The following AUTS2 variants were observed in gnomAD, a reference collection of about 807,000 sequenced individuals.
The protein encoded by AUTS2 is activator of transcription and developmental regulator AUTS2.
In AUTS2, 17 loss-of-function variants were observed where a neutral mutation model predicts 112.4. The observed-to-expected ratio is 0.15, with a 90% CI of 0.10 to 0.23. The LOEUF is 0.23. Ranked by LOEUF, AUTS2 falls within the 10% of genes least tolerant of loss-of-function variation. AUTS2 has a pLI of 1.00. For synonymous variants in AUTS2, 751 were observed against 702.7 expected (o/e 1.07, Z -1.09); for missense variants, 1,510 against 1,701.6 (o/e 0.89, Z 1.98).
intron 5 of AUTS2, among the ~76,000 whole-genome samples, chr7:70,498,378 G>A (rs1798642305): frequency 6.6e-6 from 1 of 152,220 alleles, no homozygotes; most frequent in African/African-American, 2.4e-5. Flanking sequence ...GTAATCATCA[G>A]TCCTGGGCTG....
intron 5 of AUTS2, among the ~76,000 whole-genome samples, chr7:70,676,890 T>G (rs1423858792): frequency 6.6e-6 from 1 of 152,078 alleles, no homozygotes; most frequent in African/African-American, 2.4e-5. Context: ...AAAAAAAAGT[T>G]CACCTTTCTG....
At chr7:70,410,245 A>G (rs1264633958) in intron 4 of AUTS2, among the ~76,000 whole-genome samples, 3 of 152,180 alleles carry the variant, frequency 2.0e-5, no homozygotes, top group Admixed American at 6.5e-5. Flanking sequence ...CAGTGATGCT[A>G]CTAGGAACTG....
rs1456354352 is a variant in AUTS2, at chr7:70,791,056, TGA to T, written c.*65_*66del. 2.8e-6 allele frequency: 4 copies of T among 1,420,418 alleles called. No individual in the cohort carries two copies. In the African/African-American group the frequency reaches 4.3e-5, roughly 15 times the overall value. 88.0% of individuals were successfully genotyped at this position (1,420,418 alleles called of 1,614,324 possible). A position where few individuals can be genotyped will look rare whatever the true frequency, so the allele number is the denominator to read the frequency against. ...CCCTAGGCAGACACCAGGCCAGGCT[TGA>T]GAGACAGAACTCCTGCATGGCTCAC... is the stretch of plus-strand genomic sequence containing the variant. On this transcript the variant is annotated 3_prime_UTR_variant, in exon 19 of 19. Transcript: ENST00000342771.
chr7:70,552,116 G>A (rs1801039608), intron 5 of AUTS2, among the ~76,000 whole-genome samples: 2 of 152,170 alleles, frequency 1.3e-5, no homozygotes, highest in African/African-American at 4.8e-5. Context: ...ATGTGCGTGT[G>A]CATGTGCGTG....
At chr7:69,891,375 C>T (rs1295792210) in intron 1 of AUTS2, among the ~76,000 whole-genome samples, 1 of 152,160 alleles carries the variant, frequency 6.6e-6, no homozygotes, top group Non-Finnish European at 1.5e-5. Flanking sequence ...TTTATCCATT[C>T]ATCTATTGAT....
intron 5 of AUTS2, among the ~76,000 whole-genome samples, chr7:70,604,660 A>G (rs1803639574): frequency 6.6e-6 from 1 of 152,180 alleles, no homozygotes; most frequent in African/African-American, 2.4e-5. Flanking sequence ...CCACTCCACT[A>G]TCCCTGCTCA....
At chr7:69,820,821 A>AAC (rs1049271308) in intron 1 of AUTS2, among the ~76,000 whole-genome samples, 4 of 152,160 alleles carry the variant, frequency 2.6e-5, no homozygotes, top group African/African-American at 4.8e-5. Flanking sequence ...GTGTAGTGAA[A>AAC]ACACACACAC....
chr7:70,327,270 A>T (rs1346567977), intron 4 of AUTS2, among the ~76,000 whole-genome samples: 1 of 152,096 alleles, frequency 6.6e-6, no homozygotes, highest in Non-Finnish European at 1.5e-5. Context: ...GGAGGTCTTT[A>T]TGTTTCCAGT....
rs116533299 is a variant in AUTS2 at position 70,345,498 on chromosome 7, A to G, written c.661-90254A>G. ...AAACTTCCTGCCTAGCTCCTGATTT[A>G]TGTAGCTTCTCACCACCATGCCCTT... On this transcript the variant is annotated intron_variant, in intron 4 of 18. Transcript: ENST00000342771. Among the ~76,000 whole-genome samples the G allele has an allele frequency of 2.2e-3, 336 of 152,290 alleles. 1 individual carries two copies. The highest frequency in any genetic ancestry group is 7.7e-3 in the African/African-American group (322 of 41,556).
In AUTS2 at chr7:70,762,921, G is replaced by A. The variant is rs1420133124; in HGVS notation, c.794G>A (p.Gly265Glu). ...TLPEHDSQDA[G>E]PIVPKISGLE... ...CCAGAACATGACAGCCAGGATGCAG[G>A]GCCGATTGTCCCCAAGATATCGGGT... Residue 265 changes from glycine to glutamate, a missense_variant, in exon 7 of 19, where the codon GGG becomes GAG. Physicochemically the swap from Gly to Glu is moderately conservative, Grantham distance 98. Transcript: ENST00000342771. 3.1e-6 allele frequency: 5 copies of A among 1,613,974 alleles called. No individual in the cohort carries two copies. Among genetic ancestry groups the A allele is most frequent in the East Asian group, 4.5e-5 (2 of 44,884 alleles).
intron 7 of AUTS2, 50 bp from the exon 8 acceptor site, chr7:70,764,702 T>G: frequency 1.4e-6 from 1 of 712,822 alleles, no homozygotes; most frequent in Middle Eastern, 2.6e-4. Context: ...GAGAATACAT[T>G]GCTTACCTTT....
At chr7:69,871,355 A>G (rs1044185279) in intron 1 of AUTS2, among the ~76,000 whole-genome samples, 2 of 152,198 alleles carry the variant, frequency 1.3e-5, no homozygotes, top group Non-Finnish European at 2.9e-5. Flanking sequence ...CGTCGTAACC[A>G]TAACACACTT....
intron 4 of AUTS2, among the ~76,000 whole-genome samples, chr7:70,185,491 G>C (rs868496816): frequency 3.7e-4 from 57 of 152,016 alleles, no homozygotes; most frequent in African/African-American, 1.3e-3. Flanking sequence ...GAGGCCACTT[G>C]TCTTATTATT....
At chr7:70,507,682 A>C (rs1297467584) in intron 5 of AUTS2, among the ~76,000 whole-genome samples, 1 of 152,054 alleles carries the variant, frequency 6.6e-6, no homozygotes, top group Non-Finnish European at 1.5e-5. Context: ...CTGTAATCCC[A>C]GCTACTTGGG....
At chr7:69,911,340 C>T (rs559634593) in intron 2 of AUTS2, among the ~76,000 whole-genome samples, 1 of 152,242 alleles carries the variant, frequency 6.6e-6, no homozygotes, top group Non-Finnish European at 1.5e-5. Context: ...GGTGTCACAG[C>T]CCTGCCTCAG....
chr7:70,177,918 G>GTTT (rs765470016), intron 4 of AUTS2, among the ~76,000 whole-genome samples: 4 of 134,880 alleles, frequency 3.0e-5, no homozygotes, highest in Non-Finnish European at 4.8e-5. Flanking sequence ...ACATAATTCT[G>GTTT]TTTTTTTTTT....
chr7:70,547,140 C>T (rs1316240902), intron 5 of AUTS2, among the ~76,000 whole-genome samples: 2 of 152,108 alleles, frequency 1.3e-5, no homozygotes, highest in Admixed American at 6.5e-5. Flanking sequence ...TCCCTCATGC[C>T]CATTTGCAGT....
chr7:69,914,075 TC>T (rs1288747570), intron 2 of AUTS2, among the ~76,000 whole-genome samples: 2 of 152,118 alleles, frequency 1.3e-5, no homozygotes, highest in African/African-American at 4.8e-5. Flanking sequence ...CTTTTTAACT[TC>T]CTAACACCAC....
At chr7:70,197,308 A>G (rs1810229896) in intron 4 of AUTS2, among the ~76,000 whole-genome samples, 1 of 152,130 alleles carries the variant, frequency 6.6e-6, no homozygotes, top group Non-Finnish European at 1.5e-5. Flanking sequence ...TTCTAAAGAC[A>G]CTGGAAAGAA....
Sources: allele counts gnomAD v4.1 joint callset (sites outside exome capture counted in the v4.1 genomes callset), GRCh38; gene constraint gnomAD v4.1.1; transcripts MANE v1.5; gene names NCBI Gene and HGNC (gene_info 2026-07-23, HGNC 2026-07-21).